Variants in CFAP47 observed in about 807,000 individuals in gnomAD.
The protein encoded by CFAP47 is cilia and flagella associated protein 47.
A neutral mutation model predicts 148.1 loss-of-function variants in CFAP47; 29 were observed. The observed-to-expected ratio is 0.20, with a 90% CI of 0.15 to 0.27. The LOEUF is 0.27. Ranked by LOEUF, CFAP47 falls within the 10% of genes least tolerant of loss-of-function variation. CFAP47 has a pLI of 1.00. For missense variants in CFAP47, 1,872 were observed against 1,697.5 expected (o/e 1.10, Z -1.81); for synonymous variants, 664 against 577.3 (o/e 1.15, Z -2.15).
chrX:36,005,008 GTTT>G (rs1165686536), intron 21 of CFAP47, among the ~76,000 whole-genome samples: 1 of 106,296 alleles, frequency 9.4e-6, no homozygotes, highest in African/African-American at 3.4e-5. Context: ...TGTGTTAATG[GTTT>G]TTTTTTTATT....
intron 45 of CFAP47, among the ~76,000 whole-genome samples, chrX:36,208,619 G>C (rs1555989082): frequency 8.9e-6 from 1 of 111,832 alleles, no homozygotes; most frequent in African/African-American, 3.3e-5. Flanking sequence ...TTACTCTTCA[G>C]CCTCAAAATA....
intron 46 of CFAP47, among the ~76,000 whole-genome samples, chrX:36,230,374 T>C (rs1292689068): frequency 1.8e-5 from 2 of 109,363 alleles, no homozygotes; most frequent in Non-Finnish European, 3.8e-5. Flanking sequence ...TGATGAGCAT[T>C]TTTTCATGTG....
At chrX:36,368,274 A>C (rs1941897653) in intron 62 of CFAP47, among the ~76,000 whole-genome samples, 1 of 111,906 alleles carries the variant, frequency 8.9e-6, no homozygotes. Flanking sequence ...ATATTTGAAA[A>C]AGAATATTTA....
chrX:36,330,431 A>G (rs1370040534), intron 57 of CFAP47, among the ~76,000 whole-genome samples: 2 of 112,133 alleles, frequency 1.8e-5, no homozygotes, highest in Admixed American at 1.9e-4. Context: ...AAGATGCACA[A>G]GAGGGCAAGT....
chrX:35,927,926 G>A (rs1935769589), intron 2 of CFAP47, among the ~76,000 whole-genome samples: 1 of 108,113 alleles, frequency 9.2e-6, no homozygotes, highest in Non-Finnish European at 1.9e-5. Context: ...GCAAAATCTT[G>A]CAAGAGATTC....
intron 16 of CFAP47, among the ~76,000 whole-genome samples, chrX:35,990,648 C>G (rs916147626): frequency 9.0e-6 from 1 of 111,473 alleles, no homozygotes; most frequent in Non-Finnish European, 1.9e-5. Context: ...TCCTTTTGCA[C>G]TGCACATGGT....
intron 48 of CFAP47, among the ~76,000 whole-genome samples, chrX:36,247,746 T>C (rs1202609020): frequency 9.0e-6 from 1 of 110,681 alleles, no homozygotes; most frequent in Non-Finnish European, 1.9e-5. Context: ...TAATGGAAGA[T>C]TACAGGAACA....
intron 13 of CFAP47, among the ~76,000 whole-genome samples, chrX:35,973,022 T>C (rs1936516693): frequency 8.9e-6 from 1 of 112,083 alleles, no homozygotes. Context: ...GTCTTTTTGA[T>C]TATAGACCTA....
At chrX:36,293,920 G>A (rs1941215979) in intron 51 of CFAP47, among the ~76,000 whole-genome samples, 1 of 111,379 alleles carries the variant, frequency 9.0e-6, no homozygotes, top group Non-Finnish European at 1.9e-5. Flanking sequence ...CAGAGGGAGG[G>A]AAGGTGGTTA....
intron 27 of CFAP47, among the ~76,000 whole-genome samples, chrX:36,068,810 G>T (rs183958414): frequency 2.5e-4 from 27 of 109,223 alleles, no homozygotes; most frequent in Admixed American, 1.3e-3. Context: ...ACAAAAATTA[G>T]CTGGGTATGG....
chrX:36,278,781 G>A (rs1556003077), intron 49 of CFAP47, among the ~76,000 whole-genome samples: 1 of 112,493 alleles, frequency 8.9e-6, no homozygotes, highest in African/African-American at 3.2e-5. Flanking sequence ...TTAGTAGTAT[G>A]TTTTACATTC....
intron 22 of CFAP47, among the ~76,000 whole-genome samples, chrX:36,020,149 A>C (rs1937141439): frequency 8.9e-6 from 1 of 111,823 alleles, no homozygotes; most frequent in African/African-American, 3.3e-5. Flanking sequence ...TAGTTTCCAA[A>C]ATTCCTCTTA....
chrX:35,990,331 G>C (rs66999859), intron 16 of CFAP47, among the ~76,000 whole-genome samples: 8,764 of 110,993 alleles, frequency 0.079, 873 homozygotes, highest in African/African-American at 0.27. Context: ...AACACATAAT[G>C]AGAAGTTGGA....
chrX:36,353,433 A>C (rs1941759432), intron 59 of CFAP47, 96 bp from the exon 60 acceptor site: 1 of 762,114 alleles, frequency 1.3e-6, no homozygotes, highest in Admixed American at 3.5e-5. Flanking sequence ...ATATCAAAGG[A>C]AGTTTTATTT....
intron 26 of CFAP47, among the ~76,000 whole-genome samples, chrX:36,057,745 G>A (rs1471048222): frequency 9.0e-6 from 1 of 110,737 alleles, no homozygotes; most frequent in Admixed American, 9.7e-5. Context: ...GTTTTCCTCA[G>A]GCTTATTACA....
intron 30 of CFAP47, among the ~76,000 whole-genome samples, chrX:36,088,310 T>A (rs1035017809): frequency 9.0e-6 from 1 of 111,615 alleles, no homozygotes; most frequent in African/African-American, 3.3e-5. Context: ...TTTGCAGTAA[T>A]ATATTTCTTG....
intron 48 of CFAP47, 137 bp downstream of exon 48, chrX:36,236,996 A>G: frequency 2.6e-6 from 1 of 385,390 alleles, no homozygotes. Flanking sequence ...GATGTCTACA[A>G]TCCTACCTAT....
In CFAP47 at chrX:36,201,475, C is replaced by A; in HGVS notation, c.6638C>A (p.Ala2213Asp). ...AGCAGTAGTATCCGTGTGGCCATCG[C>A]CCTCCTGGGACTGACGAAGATCGAG... ...LESSSIRVAI[A>D]LLGLTKIETL... is the part of the protein sequence containing the mutation. Residue 2213 changes from alanine to aspartate, a missense_variant, in exon 44 of 64, where the codon GCC (alanine) becomes GAC (aspartate). By Grantham distance (126) the Ala-to-Asp change is moderately radical. Transcript: ENST00000378653. The A allele has an allele frequency of 3.4e-6, 1 of 296,955 alleles. No homozygotes were observed. The highest frequency in any genetic ancestry group is 5.9e-6 in the Non-Finnish European group (1 of 169,909). 24.5% of individuals were successfully genotyped at this position (296,955 alleles called of 1,213,427 possible). A position where few individuals can be genotyped will look rare whatever the true frequency, so the allele number is the denominator to read the frequency against.
chrX:36,203,322 C>T (rs1331930397), intron 44 of CFAP47, among the ~76,000 whole-genome samples: 1 of 111,562 alleles, frequency 9.0e-6, no homozygotes, highest in Non-Finnish European at 1.9e-5. Flanking sequence ...AAATTTAAGC[C>T]TGTCATAATG....
Sources: allele counts gnomAD v4.1 joint callset (sites outside exome capture counted in the v4.1 genomes callset), GRCh38; gene constraint gnomAD v4.1.1; transcripts MANE v1.5; gene names NCBI Gene and HGNC (gene_info 2026-07-23, HGNC 2026-07-21).